The following ZP2 variants were observed in gnomAD, a reference collection of about 807,000 sequenced individuals.
The protein encoded by ZP2 is zona pellucida sperm-binding protein 2.
Under a neutral mutation model 84.0 loss-of-function variants are expected in ZP2, and 51 were observed. The ratio of observed to expected loss-of-function variants is 0.61; its 90% CI spans 0.49 to 0.77. The LOEUF (loss-of-function observed/expected upper bound fraction) is 0.77. Among genes scored for constraint, ZP2 ranks in the 30% least tolerant of loss-of-function variants. ZP2 has a pLI of 0.00. For missense variants in ZP2, 909 were observed against 911.9 expected (o/e 1.00, Z 0.04); for synonymous variants, 375 against 330.9 (o/e 1.13, Z -1.45).
At chr16:21,207,649 C>CACAT (rs1272318917) in intron 4 of ZP2, among the ~76,000 whole-genome samples, 1 of 59,094 alleles carries the variant, frequency 1.7e-5, no homozygotes, top group Non-Finnish European at 3.1e-5. Context: ...CACACACACA[C>CACAT]ACACACACAC....
In ZP2 at chr16:21,203,134, C is replaced by A. The variant is rs151236566; in HGVS notation, c.1090G>T (p.Val364Phe). Residue 364 changes from valine to phenylalanine, a missense_variant, in exon 10 of 19, where the codon GTT becomes TTT. Physicochemically the swap from Val to Phe is conservative, Grantham distance 50. Transcript: ENST00000574091. ...AATAAAAGGTCTTTACCTATAGAAA[C>A]GGGTGACTCACAGAGACACTCAGGA... ...IYPECLCESP[V>F]SIVTGELCTQ... The A allele has an allele frequency of 4.3e-6, 7 of 1,613,090 alleles. No individual in the cohort carries two copies. The highest frequency in any genetic ancestry group is 3.3e-5 in the Admixed American group (2 of 59,874).
intron 2 of ZP2, among the ~76,000 whole-genome samples, chr16:21,210,721 C>A (rs968793188): frequency 3.3e-5 from 5 of 152,012 alleles, no homozygotes; most frequent in Non-Finnish European, 5.9e-5. Context: ...ATTACATGTG[C>A]CCACCACCAC....
rs1427540970 is a variant in ZP2 at position 21,205,739 on chromosome 16, C to T, written c.520G>A (p.Asp174Asn). 1.2e-6 allele frequency: 2 copies of T among 1,613,814 alleles called. No individual in the cohort carries two copies. Among genetic ancestry groups the T allele is most frequent in the East Asian group, 2.2e-5 (1 of 44,858 alleles). The change falls in exon 6 of 19, where the codon GAC (aspartate) becomes AAC (asparagine). Residue 174 changes from aspartate to asparagine, a missense_variant. Transcript: ENST00000574091. ...TAAAATTTGCTTCATACCTTACTGT[C>T]GTCAGCCAAGCCAGAGAAGACCCGT... ...LPRVFSGLADDSKGTKVQMGW... is the reference protein window; with the variant it reads ...LPRVFSGLADNSKGTKVQMGW...
intron 9 of ZP2, chr16:21,203,715 C>A (rs2093236583): frequency 2.3e-6 from 1 of 439,040 alleles, no homozygotes; most frequent in African/African-American, 2.0e-5. Context: ...TGTTCGTTGA[C>A]CAGGACAGAT....
intron 16 of ZP2, among the ~76,000 whole-genome samples, chr16:21,199,331 A>AAG (rs1323591200): frequency 6.6e-6 from 1 of 150,780 alleles, no homozygotes; most frequent in African/African-American, 2.4e-5. Context: ...AAAAAAAAAA[A>AAG]AAAAAAAAAA....
At chr16:21,205,636 C>T in intron 6 of ZP2, 52 bp from the exon 7 acceptor site, 2 of 1,612,476 alleles carry the variant, frequency 1.2e-6, no homozygotes, top group South Asian at 1.1e-5. Context: ...AACCAAGTCT[C>T]TGGTAGTCTA....
intron 4 of ZP2, among the ~76,000 whole-genome samples, chr16:21,207,908 AAAC>A (rs1219320243): frequency 6.6e-6 from 1 of 151,776 alleles, no homozygotes; most frequent in Non-Finnish European, 1.5e-5. Flanking sequence ...ACCAAAACAA[AAAC>A]AAACAAAAAC....
intron 4 of ZP2, 55 bp downstream of exon 4, chr16:21,209,576 G>A: frequency 8.4e-6 from 13 of 1,548,008 alleles, no homozygotes; most frequent in Non-Finnish European, 1.2e-5. Flanking sequence ...TTTACTGCCA[G>A]TAACTCTTAG....
chr16:21,201,669 G>A, intron 13 of ZP2, 37 bp downstream of exon 13: 10 of 1,613,662 alleles, frequency 6.2e-6, no homozygotes, highest in Non-Finnish European at 8.5e-6. Flanking sequence ...AGAAGTTTGA[G>A]ATCATTTAAG....
At chr16:21,214,140 G>T (rs2093283905), upstream of ZP2, 1 of 709,694 alleles carries the variant, frequency 1.4e-6, no homozygotes, top group Non-Finnish European at 1.7e-6. Context: ...GCAGCACAGA[G>T]ACCCCAAGCA....
rs1181541180 is a variant in ZP2 at position 21,201,836 on chromosome 16, A to G, written c.1380-6T>C. The G allele has an allele frequency of 1.2e-6, 2 of 1,614,020 alleles. No individual in the cohort carries two copies. The highest frequency in any genetic ancestry group is 4.5e-5 in the East Asian group (2 of 44,888). On this transcript the variant is annotated splice_region_variant and splice_polypyrimidine_tract_variant and intron_variant, in intron 12 of 18. Coordinates refer to ENST00000574091, the MANE Select transcript of ZP2 (RefSeq NM_001376232.1). ...AAGAACACTTCACTGTCATTCTGTA[A>G]GAGTTTGGAGGGAAGGTAGGTACAG...
chr16:21,200,533 GGT>G (rs1232439000), intron 14 of ZP2, among the ~76,000 whole-genome samples: 2 of 152,194 alleles, frequency 1.3e-5, no homozygotes, highest in African/African-American at 2.4e-5. Context: ...CATAAGAATG[GGT>G]GAGATCCAGT....
chr16:21,200,439 A>G (rs1345295414), intron 14 of ZP2, among the ~76,000 whole-genome samples: 1 of 152,220 alleles, frequency 6.6e-6, no homozygotes, highest in Admixed American at 6.5e-5. Context: ...ACCTCGTCTC[A>G]AAAACAAAAC....
In ZP2 at chr16:21,203,129, A is replaced by G; in HGVS notation, c.1095T>C (p.Ser365=). The change falls in exon 10 of 19, where the codon TCT becomes TCC. Residue 365 remains serine, a synonymous_variant. Transcript: ENST00000574091. ...YPECLCESPV[S]IVTGELCTQD... is the part of the protein sequence containing the mutation. ...ATTTTAATAAAAGGTCTTTACCTAT[A>G]GAAACGGGTGACTCACAGAGACACT... 2 of 1,613,474 alleles carry G rather than the reference A, an allele frequency of 1.2e-6. No homozygotes were observed. Among genetic ancestry groups the G allele is most frequent in the Non-Finnish European group, 1.7e-6 (2 of 1,179,764 alleles).
chr16:21,205,022 G>A (rs893411546), intron 7 of ZP2, among the ~76,000 whole-genome samples: 42 of 152,148 alleles, frequency 2.8e-4, no homozygotes, highest in African/African-American at 8.9e-4. Context: ...TCGCTCTGTC[G>A]CCCAGGCTGG....
chr16:21,208,787 A>C (rs1465336408), intron 4 of ZP2, among the ~76,000 whole-genome samples: 1 of 152,138 alleles, frequency 6.6e-6, no homozygotes, highest in Non-Finnish European at 1.5e-5. Context: ...CTCGTGTTTC[A>C]TCACTTGTTG....
At chr16:21,203,681 C>G in intron 9 of ZP2, 1 of 388,176 alleles carries the variant, frequency 2.6e-6, no homozygotes, top group South Asian at 2.6e-5. Flanking sequence ...AGTACGGGAC[C>G]CTTTTGTTTA....
At position 21,200,505 on chromosome 16, in the gene ZP2, G is replaced by A. The variant is rs557241337; in HGVS notation, c.1695-627C>T. On this transcript the variant is annotated intron_variant, in intron 14 of 18. Coordinates refer to ENST00000574091, the MANE Select transcript of ZP2 (RefSeq NM_001376232.1). ...TCAAGAAAGCAAAGGTGCAGTTTTA[G>A]CCAAGTACACACTATTCCATAAGAA... Among the ~76,000 whole-genome samples the A allele has an allele frequency of 9.8e-5, 15 of 152,324 alleles. No homozygotes were observed. In the East Asian group the frequency reaches 2.5e-3, roughly 25 times the overall value.
rs780835467 is a variant in ZP2, at chr16:21,201,479, C to T, written c.1584G>A (p.Val528=). 6.2e-7 allele frequency: 1 copy of T among 1,613,838 alleles called. No individual in the cohort carries two copies. The highest frequency in any genetic ancestry group is 8.5e-7 in the Non-Finnish European group (1 of 1,179,918). Residue 528 remains valine, a synonymous_variant, in exon 14 of 19, where the codon GTG becomes GTA. Transcript: ENST00000574091. ...RFLRQPIYME[V]RVLNRDDPNI... Reference sequence around the variant, plus strand: ...TGGGGTCATCCCTGTTTAGGACTCTCACTTCCATGTAAATTGGTTGGCGGA... The same window carrying T: ...TGGGGTCATCCCTGTTTAGGACTCTTACTTCCATGTAAATTGGTTGGCGGA...
Sources: gnomAD v4.1 joint callset for allele counts (sites outside exome capture counted in the v4.1 genomes callset) on GRCh38, gnomAD v4.1.1 for gene constraint, MANE v1.5 for transcripts, NCBI Gene and HGNC (gene_info 2026-07-23, HGNC 2026-07-21) for gene names.